Variants in ALK observed in about 807,000 individuals in gnomAD.
The protein encoded by ALK is ALK receptor tyrosine kinase, also known as ALK tyrosine kinase receptor.
A neutral mutation model predicts 163.1 loss-of-function variants in ALK; 74 were observed. The ratio of observed to expected loss-of-function variants is 0.45; its 90% CI spans 0.38 to 0.55. The LOEUF is 0.55. Among genes scored for constraint, ALK ranks in the 20% least tolerant of loss-of-function variants. The pLI, the probability that ALK is intolerant of heterozygous loss-of-function variation, is 0.00. For synonymous variants in ALK, 960 were observed against 843.2 expected (o/e 1.14, Z -2.40); for missense variants, 2,063 against 2,105.3 (o/e 0.98, Z 0.39).
chr2:29,271,993 T>C (rs1665401307), intron 11 of ALK, among the ~76,000 whole-genome samples: 1 of 151,784 alleles, frequency 6.6e-6, no homozygotes, highest in Admixed American at 6.6e-5. Context: ...GATAGAGGGG[T>C]AGGGAGGTTG....
At chr2:29,270,911 T>C (rs566872545) in intron 11 of ALK, among the ~76,000 whole-genome samples, 2 of 152,332 alleles carry the variant, frequency 1.3e-5, no homozygotes, top group Admixed American at 6.5e-5. Context: ...GATGCAATGA[T>C]GAGCTGTGGC....
At chr2:29,513,473 C>G (rs1217549822) in intron 4 of ALK, among the ~76,000 whole-genome samples, 1 of 148,108 alleles carries the variant, frequency 6.8e-6, no homozygotes, top group Non-Finnish European at 1.5e-5. Flanking sequence ...TGGATCCCTT[C>G]CTTACACCTT....
chr2:29,367,671 A>G (rs1253210093), intron 5 of ALK, among the ~76,000 whole-genome samples: 2 of 152,234 alleles, frequency 1.3e-5, no homozygotes, highest in East Asian at 3.8e-4. Context: ...TAGTGCTGGC[A>G]GTGCTCGGGA....
intron 3 of ALK, among the ~76,000 whole-genome samples, chr2:29,597,052 C>T (rs1291152982): frequency 6.6e-6 from 1 of 152,246 alleles, no homozygotes; most frequent in Admixed American, 6.5e-5. Context: ...GATCTCTAAG[C>T]ATCCCCCACT....
intron 23 of ALK, among the ~76,000 whole-genome samples, chr2:29,218,495 G>A (rs746582825): frequency 2.0e-4 from 30 of 152,274 alleles, no homozygotes; most frequent in African/African-American, 6.5e-4. Context: ...TATGTTCTTT[G>A]TAATAATATT....
chr2:29,725,942 C>T (rs537708276), intron 1 of ALK, among the ~76,000 whole-genome samples: 2 of 152,248 alleles, frequency 1.3e-5, no homozygotes, highest in South Asian at 4.2e-4. Flanking sequence ...TTTCAGCATC[C>T]CAAGCAAGCA....
At chr2:29,868,639 T>TA (rs974154599) in intron 1 of ALK, among the ~76,000 whole-genome samples, 5 of 152,138 alleles carry the variant, frequency 3.3e-5, no homozygotes, top group African/African-American at 9.7e-5. Context: ...ACAAATAGTC[T>TA]AAGCCTTATG....
chr2:29,662,393 A>T (rs1174420715), intron 3 of ALK, among the ~76,000 whole-genome samples: 2 of 152,124 alleles, frequency 1.3e-5, no homozygotes, highest in Non-Finnish European at 2.9e-5. Flanking sequence ...AGATTCATGA[A>T]TTGTCTCATT....
rs531552829 is a variant in ALK at position 29,369,332 on chromosome 2, G to A, written c.1282+14400C>T. On this transcript the variant is annotated intron_variant, in intron 5 of 28. Transcript: ENST00000389048. ...TTTGTGTGTGTGTGTGTGTGTGTGTGTGTTGGTCTCCTAATGAGAAAATGA... is the reference window on the plus strand; with the variant it reads ...TTTGTGTGTGTGTGTGTGTGTGTGTATGTTGGTCTCCTAATGAGAAAATGA... Among the ~76,000 whole-genome samples, 5 of 151,162 alleles carry A rather than the reference G, an allele frequency of 3.3e-5. No homozygotes were observed. The South Asian group carries it at 1.0e-3, about 31-fold the overall frequency.
chr2:29,461,761 C>G (rs1671089100), intron 4 of ALK, among the ~76,000 whole-genome samples: 1 of 152,004 alleles, frequency 6.6e-6, no homozygotes, highest in African/African-American at 2.4e-5. Context: ...ATTTTGCAGC[C>G]CATTGATCAC....
chr2:29,331,303 T>C (rs1332185615), intron 5 of ALK, among the ~76,000 whole-genome samples: 1 of 152,156 alleles, frequency 6.6e-6, no homozygotes, highest in Non-Finnish European at 1.5e-5. Context: ...CCTTGAACAA[T>C]ACAGGTTTGG....
intron 3 of ALK, among the ~76,000 whole-genome samples, chr2:29,685,092 G>A (rs1252212112): frequency 2.0e-5 from 3 of 152,184 alleles, no homozygotes; most frequent in African/African-American, 7.2e-5. Flanking sequence ...AATTGTGACT[G>A]TGGCTGGAGA....
chr2:29,613,916 G>T (rs192267348), intron 3 of ALK, among the ~76,000 whole-genome samples: 38 of 152,276 alleles, frequency 2.5e-4, no homozygotes, highest in Non-Finnish European at 2.9e-4. Context: ...CAGGAAAAAG[G>T]GGGGGTTCTA....
At chr2:29,309,852 C>T (rs1299325098) in intron 8 of ALK, among the ~76,000 whole-genome samples, 2 of 152,146 alleles carry the variant, frequency 1.3e-5, no homozygotes, top group African/African-American at 2.4e-5. Flanking sequence ...GACCTGCCCA[C>T]GTGTTGCTGA....
chr2:29,222,310 G>A (rs1669824214), intron 22 of ALK, 34 bp downstream of exon 22: 4 of 1,601,682 alleles, frequency 2.5e-6, no homozygotes, highest in Non-Finnish European at 3.4e-6. Context: ...GGGCAGAGGG[G>A]AGTTGGGGTG....
chr2:29,740,833 C>T (rs1680038543), intron 1 of ALK, among the ~76,000 whole-genome samples: 1 of 152,020 alleles, frequency 6.6e-6, no homozygotes, highest in South Asian at 2.1e-4. Context: ...GAAACCCTGT[C>T]TCTACTAAAA....
At chr2:29,278,977 C>T (rs1322316151) in intron 9 of ALK, among the ~76,000 whole-genome samples, 1 of 24,216 alleles carries the variant, frequency 4.1e-5, no homozygotes, top group Non-Finnish European at 5.0e-4. Context: ...CATGTGTGTG[C>T]CTGGGGGGGG....
intron 2 of ALK, among the ~76,000 whole-genome samples, chr2:29,717,078 A>T (rs1679280864): frequency 6.7e-6 from 1 of 148,356 alleles, no homozygotes; most frequent in South Asian, 2.2e-4. Context: ...AGGCTGAGGC[A>T]GGAGAATGGT....
At chr2:29,352,760 G>A (rs531820750) in intron 5 of ALK, among the ~76,000 whole-genome samples, 6 of 152,198 alleles carry the variant, frequency 3.9e-5, no homozygotes, top group Non-Finnish European at 8.8e-5. Context: ...GGAATAAGAG[G>A]GTTTGTGGGA....
Sources: allele counts gnomAD v4.1 joint callset (sites outside exome capture counted in the v4.1 genomes callset), GRCh38; gene constraint gnomAD v4.1.1; transcripts MANE v1.5; gene names NCBI Gene and HGNC (gene_info 2026-07-23, HGNC 2026-07-21).